THNSL1: variants seen among roughly 807,000 people sequenced by gnomAD.
The protein encoded by THNSL1 is threonine synthase like 1, also known as threonine synthase-like 1.
In THNSL1, 48 loss-of-function variants were observed where a neutral mutation model predicts 50.4. The observed-to-expected ratio is 0.95, with a 90% CI of 0.76 to 1.21. The LOEUF is 1.21. Ranked by LOEUF, THNSL1 falls within the 50% of genes most tolerant of loss-of-function variation. The pLI is 0.00. For synonymous variants in THNSL1, 309 were observed against 306.1 expected, an observed-to-expected ratio of 1.01 and a Z score of -0.10; for missense variants, 896 against 871.7, an observed-to-expected ratio of 1.03 and a Z score of -0.35.
rs200259128 is a variant in THNSL1 at position 25,025,093 on chromosome 10, T to A, written c.1870T>A (p.Cys624Ser). 9 of 1,613,814 alleles carry A rather than the reference T, an allele frequency of 5.6e-6. No homozygotes were observed. Among genetic ancestry groups the A allele is most frequent in the Non-Finnish European group, 5.9e-6 (7 of 1,179,988 alleles). ...FVADWCSEGECLAAINSTYNT... is the reference protein window; with the variant it reads ...FVADWCSEGESLAAINSTYNT... ...AGCTGACTGGTGCTCTGAGGGAGAG[T>A]GCCTAGCAGCTATTAACTCCACCTA... Residue 624 changes from cysteine to serine, a missense_variant, in exon 3 of 3, where the codon TGC (cysteine) becomes AGC (serine). By Grantham distance (112) the Cys-to-Ser change is moderately radical. Transcript: ENST00000376356.
At chr10:25,013,203 C>G (rs1298319862), upstream of THNSL1, among the ~76,000 whole-genome samples, 1 of 152,182 alleles carries the variant, frequency 6.6e-6, no homozygotes, top group East Asian at 1.9e-4. Context: ...ATATAAATTA[C>G]CCAGTCTCGA....
chr10:24,952,625 G>A, the THNSL1 span: 3 of 1,512,250 alleles, frequency 2.0e-6, no homozygotes, highest in Non-Finnish European at 2.7e-6. This position sits in a 1 kb window ranked among gnomAD's most constrained non-coding sequence, Gnocchi z 5.1. Context: ...AAGGAGCAGG[G>A]AGGGCGAAGG....
chr10:24,998,565 T>A, the THNSL1 span, among the ~76,000 whole-genome samples: 5 of 151,938 alleles, frequency 3.3e-5, no homozygotes, highest in African/African-American at 1.2e-4. Flanking sequence ...AATTTTTTTG[T>A]ACGGACGGGG....
At chr10:24,998,567 C>T in the THNSL1 span, among the ~76,000 whole-genome samples, 13 of 151,816 alleles carry the variant, frequency 8.6e-5, no homozygotes, top group South Asian at 2.1e-4. Flanking sequence ...TTTTTTTGTA[C>T]GGACGGGGTC....
At chr10:25,001,327 T>G in the THNSL1 span, among the ~76,000 whole-genome samples, 1 of 152,006 alleles carries the variant, frequency 6.6e-6, no homozygotes, top group Non-Finnish European at 1.5e-5. Context: ...TTTTTTCTCT[T>G]TATTAATAGT....
At chr10:24,998,588 G>C in the THNSL1 span, among the ~76,000 whole-genome samples, 1 of 151,488 alleles carries the variant, frequency 6.6e-6, no homozygotes, top group Non-Finnish European at 1.5e-5. Context: ...TTGCTTTGTT[G>C]CCCAGGTGCT....
chr10:24,953,397 A>G, the THNSL1 span: 1 of 152,556 alleles, frequency 6.6e-6, no homozygotes, highest in Non-Finnish European at 1.5e-5. Context: ...TCAGGGGAGG[A>G]GGGGGAGAGA....
At chr10:25,007,519 C>T in the THNSL1 span, among the ~76,000 whole-genome samples, 1 of 152,200 alleles carries the variant, frequency 6.6e-6, no homozygotes, top group Non-Finnish European at 1.5e-5. Context: ...ACTGCAAGCT[C>T]CGCCTCCCGG....
the THNSL1 span, among the ~76,000 whole-genome samples, chr10:25,010,999 A>G: frequency 6.6e-6 from 1 of 150,786 alleles, no homozygotes; most frequent in South Asian, 2.1e-4. Flanking sequence ...TTCTAGTTCT[A>G]GATCCCTGAG....
At chr10:24,964,919 T>A in the THNSL1 span, among the ~76,000 whole-genome samples, 1 of 152,188 alleles carries the variant, frequency 6.6e-6, no homozygotes, top group African/African-American at 2.4e-5. Context: ...ATATCTTAGC[T>A]GGTCATGGTG....
the THNSL1 span, among the ~76,000 whole-genome samples, chr10:24,966,796 C>T: frequency 6.6e-6 from 1 of 152,156 alleles, no homozygotes; most frequent in Non-Finnish European, 1.5e-5. Flanking sequence ...TTCAATTTCC[C>T]TATCAGTAAA....
At chr10:24,953,742 A>G in the THNSL1 span, among the ~76,000 whole-genome samples, 1 of 152,204 alleles carries the variant, frequency 6.6e-6, no homozygotes, top group Admixed American at 6.5e-5. Flanking sequence ...TCATCTTCGA[A>G]TTCTGGCACA....
At chr10:24,973,645 C>T in the THNSL1 span, among the ~76,000 whole-genome samples, 4 of 151,866 alleles carry the variant, frequency 2.6e-5, no homozygotes, top group Non-Finnish European at 5.9e-5. Flanking sequence ...AAAATTGTAT[C>T]TTAAGTTGAA....
At chr10:24,954,511 C>T in the THNSL1 span, among the ~76,000 whole-genome samples, 3 of 152,200 alleles carry the variant, frequency 2.0e-5, no homozygotes, top group South Asian at 6.2e-4. Context: ...AGCCTAGACA[C>T]TGCGGAAGAT....
At chr10:24,987,864 C>T in the THNSL1 span, among the ~76,000 whole-genome samples, 1 of 151,944 alleles carries the variant, frequency 6.6e-6, no homozygotes, top group Admixed American at 6.6e-5. Context: ...GTACAGTATC[C>T]CTCTGGCTGG....
intron 1 of THNSL1, among the ~76,000 whole-genome samples, chr10:25,020,351 CAT>C (rs1850695357): frequency 6.6e-6 from 1 of 151,682 alleles, no homozygotes. Context: ...GGGGAACTAA[CAT>C]ATAGGAAAAG....
At chr10:25,000,346 G>C in the THNSL1 span, among the ~76,000 whole-genome samples, 16 of 152,086 alleles carry the variant, frequency 1.1e-4, no homozygotes, top group Admixed American at 2.0e-4. Flanking sequence ...CAAACTGAAA[G>C]TATCTTCAAA....
At chr10:24,984,382 G>A in the THNSL1 span, 4,012 of 1,397,508 alleles carry the variant, frequency 2.9e-3, no homozygotes, top group Middle Eastern at 0.017. Context: ...ATGCGCTGCA[G>A]AAAAAAAAAA....
At chr10:24,968,456 T>G in the THNSL1 span, among the ~76,000 whole-genome samples, 5 of 152,154 alleles carry the variant, frequency 3.3e-5, no homozygotes, top group African/African-American at 1.2e-4. Context: ...ATCCCCTTGC[T>G]CATCCAGGAG....
Sources: allele counts gnomAD v4.1 joint callset (sites outside exome capture counted in the v4.1 genomes callset), GRCh38; gene constraint gnomAD v4.1.1; non-coding constraint Gnocchi (gnomAD v3.1); transcripts MANE v1.5; gene names NCBI Gene and HGNC (gene_info 2026-07-23, HGNC 2026-07-21).